The following GLRA3 variants were observed in gnomAD, a reference collection of about 807,000 sequenced individuals.
GLRA3 encodes the protein glycine receptor subunit alpha-3.
In GLRA3, 44 loss-of-function variants were observed where a neutral mutation model predicts 60.4. That is an observed-to-expected ratio of 0.73 (90% CI 0.57 to 0.94). GLRA3 has a LOEUF of 0.94. GLRA3 is among the 40% of genes least tolerant of loss of function. The pLI is 0.00. For missense variants in GLRA3, 508 were observed against 564.6 expected (o/e 0.90, Z 1.02); for synonymous variants, 223 against 192.9 (o/e 1.16, Z -1.29).
intron 5 of GLRA3, among the ~76,000 whole-genome samples, chr4:174,708,562 ATT>A (rs1250314457): frequency 7.0e-6 from 1 of 142,048 alleles, no homozygotes; most frequent in Non-Finnish European, 1.5e-5. Context: ...ATTTTCTTAT[ATT>A]GTCTTTTCAA....
chr4:174,750,194 G>C (rs1737411926), intron 3 of GLRA3, among the ~76,000 whole-genome samples: 1 of 152,088 alleles, frequency 6.6e-6, no homozygotes, highest in Admixed American at 6.6e-5. Flanking sequence ...AATAGATTCT[G>C]AGAGTGCTAG....
At chr4:174,716,906 T>C (rs1486497875) in intron 4 of GLRA3, among the ~76,000 whole-genome samples, 3 of 152,054 alleles carry the variant, frequency 2.0e-5, no homozygotes, top group African/African-American at 7.2e-5. Flanking sequence ...AAATTACATA[T>C]TAAGAACTAT....
intron 4 of GLRA3, among the ~76,000 whole-genome samples, chr4:174,716,212 T>A (rs1176123477): frequency 6.6e-6 from 1 of 152,120 alleles, no homozygotes; most frequent in African/African-American, 2.4e-5. Flanking sequence ...TTCCCCGGTG[T>A]GGGATAAGGG....
intron 1 of GLRA3, among the ~76,000 whole-genome samples, chr4:174,790,869 T>G (rs1579614325): frequency 2.8e-5 from 4 of 141,704 alleles, no homozygotes; most frequent in Admixed American, 1.4e-4. Context: ...CCGGGCGTAG[T>G]GGCGGGCTCC....
chr4:174,802,803 CATT>C (rs1739871274), intron 1 of GLRA3, among the ~76,000 whole-genome samples: 1 of 152,044 alleles, frequency 6.6e-6, no homozygotes, highest in African/African-American at 2.4e-5. Context: ...TGAAAATTGT[CATT>C]TAAAGATGAA....
At chr4:174,784,481 CA>C (rs149538062) in intron 2 of GLRA3, among the ~76,000 whole-genome samples, 55 of 137,886 alleles carry the variant, frequency 4.0e-4, no homozygotes, top group Middle Eastern at 3.8e-3. Flanking sequence ...AAAAAAAATA[CA>C]AAAAAAAAAC....
At chr4:174,672,075 A>G (rs777910587) in intron 7 of GLRA3, among the ~76,000 whole-genome samples, 3 of 152,192 alleles carry the variant, frequency 2.0e-5, no homozygotes, top group Admixed American at 6.5e-5. Context: ...AGAATTTGCA[A>G]TCTCCACAGG....
intron 9 of GLRA3, among the ~76,000 whole-genome samples, 200 bp downstream of exon 9, chr4:174,656,543 A>G (rs1733213428): frequency 6.6e-6 from 1 of 152,112 alleles, no homozygotes; most frequent in African/African-American, 2.4e-5. Flanking sequence ...ATATCCTTTT[A>G]TTGATGAGAG....
intron 2 of GLRA3, among the ~76,000 whole-genome samples, chr4:174,786,083 T>A (rs1000420260): frequency 7.9e-5 from 12 of 151,948 alleles, no homozygotes; most frequent in Admixed American, 7.9e-4. Flanking sequence ...TTATTTTAGC[T>A]AATTATGCTC....
intron 1 of GLRA3, among the ~76,000 whole-genome samples, chr4:174,817,635 T>C (rs879232807): frequency 1.3e-5 from 2 of 152,098 alleles, no homozygotes; most frequent in Non-Finnish European, 2.9e-5. Context: ...TGAGATGGAG[T>C]CTTGCTCTGT....
chr4:174,733,802 T>C (rs549281974), intron 3 of GLRA3, among the ~76,000 whole-genome samples: 209 of 152,288 alleles, frequency 1.4e-3, no homozygotes, highest in Middle Eastern at 3.4e-3. Context: ...GCCTCTTGTC[T>C]CTAGGACCCG....
Position 174,815,074 on chromosome 4 carries a change from G to A in GLRA3, c.71+13667C>T, listed in dbSNP as rs539560302. ...GATGCAATGGGGTTATAGGCACTGG[G>A]TAAATACAGCCATTCCAAATGGAAG... On this transcript the variant is annotated intron_variant, in intron 1 of 9. Coordinates refer to ENST00000274093, the MANE Select transcript of GLRA3 (RefSeq NM_006529.4). Among the ~76,000 whole-genome samples, 22 of 152,294 alleles carry A rather than the reference G, an allele frequency of 1.4e-4. No individual in the cohort carries two copies. The East Asian group carries it at 4.3e-3, about 29-fold the overall frequency.
At chr4:174,735,379 A>G (rs566673683) in intron 3 of GLRA3, among the ~76,000 whole-genome samples, 12 of 152,338 alleles carry the variant, frequency 7.9e-5, no homozygotes, top group African/African-American at 1.7e-4. Context: ...TTTAGACAAC[A>G]TGGACATGGA....
chr4:174,700,209 A>C (rs1404162648), intron 5 of GLRA3, among the ~76,000 whole-genome samples: 1 of 152,176 alleles, frequency 6.6e-6, no homozygotes, highest in African/African-American at 2.4e-5. Context: ...CTGCAGGCAT[A>C]GCTTGTTTTA....
intron 5 of GLRA3, among the ~76,000 whole-genome samples, chr4:174,690,764 T>C (rs564779488): frequency 5.3e-5 from 8 of 152,296 alleles, no homozygotes; most frequent in African/African-American, 9.6e-5. Flanking sequence ...GAGGTATTTG[T>C]TTTTTGCTTC....
rs116581550 is a variant in GLRA3, at chr4:174,744,619, T to C, written c.268-15921A>G. ...ACCCAGAATCAAAGCCAAAGGGTTC[T>C]AACCAATTGAAACCATTGATACATA... On this transcript the variant is annotated intron_variant, in intron 3 of 9. Transcript: ENST00000274093. Among the ~76,000 whole-genome samples the C allele has an allele frequency of 3.1e-3, 468 of 152,312 alleles. 5 individuals carry two copies. Among genetic ancestry groups the C allele is most frequent in the African/African-American group, 0.011 (442 of 41,570 alleles).
chr4:174,827,282 T>G (rs1430057313), intron 1 of GLRA3, among the ~76,000 whole-genome samples: 1 of 151,858 alleles, frequency 6.6e-6, no homozygotes, highest in Non-Finnish European at 1.5e-5. Context: ...GAACATGTTT[T>G]AACAAATATC....
intron 1 of GLRA3, among the ~76,000 whole-genome samples, chr4:174,812,858 T>G (rs1164225016): frequency 6.6e-6 from 1 of 152,156 alleles, no homozygotes; most frequent in East Asian, 1.9e-4. Flanking sequence ...CTACCTTTCT[T>G]CTATCTATAT....
intron 5 of GLRA3, among the ~76,000 whole-genome samples, chr4:174,711,897 G>T (rs565454544): frequency 3.3e-5 from 5 of 152,028 alleles, no homozygotes; most frequent in African/African-American, 1.2e-4. Flanking sequence ...GGTATTCTTA[G>T]AAAGTGTCTA....
Sources: allele counts gnomAD v4.1 joint callset (sites outside exome capture counted in the v4.1 genomes callset), GRCh38; gene constraint gnomAD v4.1.1; transcripts MANE v1.5; gene names NCBI Gene and HGNC (gene_info 2026-07-23, HGNC 2026-07-21).